LPP: variants seen among roughly 807,000 people sequenced by gnomAD.
LPP encodes lipoma-preferred partner.
Under a neutral mutation model 60.4 loss-of-function variants are expected in LPP, and 38 were observed. That is an observed-to-expected ratio of 0.63 (90% CI 0.49 to 0.83). LPP has a LOEUF of 0.83. Ranked by LOEUF, LPP falls within the 40% of genes least tolerant of loss-of-function variation. The pLI is 0.00. For synonymous variants in LPP, 328 were observed against 290.8 expected (o/e 1.13, Z -1.30); for missense variants, 902 against 783.6 (o/e 1.15, Z -1.80).
intron 8 of LPP, among the ~76,000 whole-genome samples, chr3:188,736,782 C>A (rs949603765): frequency 5.3e-5 from 8 of 151,536 alleles, no homozygotes; most frequent in African/African-American, 1.9e-4. Context: ...AAATATATAT[C>A]TATATTATCC....
intron 1 of LPP, among the ~76,000 whole-genome samples, chr3:188,191,851 T>C (rs760625078): frequency 6.6e-6 from 1 of 152,184 alleles, no homozygotes; most frequent in Non-Finnish European, 1.5e-5. Flanking sequence ...TTGATTTTAG[T>C]AGGCAAGTTA....
At chr3:188,576,791 C>T (rs1232663277) in intron 6 of LPP, among the ~76,000 whole-genome samples, 1 of 152,190 alleles carries the variant, frequency 6.6e-6, no homozygotes, top group Non-Finnish European at 1.5e-5. Context: ...ACTTCCGTGA[C>T]TATCTCCATC....
intron 7 of LPP, among the ~76,000 whole-genome samples, chr3:188,695,857 A>G (rs911374026): frequency 6.6e-6 from 1 of 152,206 alleles, no homozygotes; most frequent in Non-Finnish European, 1.5e-5. Flanking sequence ...ACGATAGACC[A>G]TGTAAGTTTC....
chr3:188,324,210 T>G (rs1168046501), intron 2 of LPP, among the ~76,000 whole-genome samples: 1 of 152,212 alleles, frequency 6.6e-6, no homozygotes. Context: ...TAGAGGCAAT[T>G]CCACCAGCAC....
chr3:188,616,094 C>T (rs1180082628), intron 7 of LPP, among the ~76,000 whole-genome samples: 1 of 152,124 alleles, frequency 6.6e-6, no homozygotes, highest in Non-Finnish European at 1.5e-5. Context: ...AGTTACATCC[C>T]ATTTGTCAAT....
intron 3 of LPP, among the ~76,000 whole-genome samples, chr3:188,381,331 T>C (rs1776825374): frequency 6.6e-6 from 1 of 152,238 alleles, no homozygotes; most frequent in African/African-American, 2.4e-5. Context: ...TTTCCTCTTC[T>C]GCTCTCCTTT....
At chr3:188,441,478 T>G (rs1387140243) in intron 4 of LPP, among the ~76,000 whole-genome samples, 1 of 152,002 alleles carries the variant, frequency 6.6e-6, no homozygotes, top group Non-Finnish European at 1.5e-5. Context: ...TCGTAGTTTC[T>G]TCACAGTTGC....
intron 2 of LPP, among the ~76,000 whole-genome samples, chr3:188,251,489 T>A (rs898161146): frequency 1.3e-5 from 2 of 152,146 alleles, no homozygotes; most frequent in African/African-American, 4.8e-5. Flanking sequence ...TTTCAATGAC[T>A]GGAGCTAGGA....
intron 2 of LPP, among the ~76,000 whole-genome samples, chr3:188,227,503 C>T (rs1351315): frequency 1.3e-5 from 2 of 151,610 alleles, no homozygotes; most frequent in Non-Finnish European, 2.9e-5. Context: ...GAGTGGCTTC[C>T]GAAATGCTGA....
At chr3:188,792,960 A>C (rs1577587286) in intron 9 of LPP, among the ~76,000 whole-genome samples, 1 of 152,078 alleles carries the variant, frequency 6.6e-6, no homozygotes, top group African/African-American at 2.4e-5. Flanking sequence ...AGAATCTTGA[A>C]GCTTCCGCAG....
chr3:188,777,570 T>C (rs1738232150), intron 9 of LPP, among the ~76,000 whole-genome samples: 2 of 152,158 alleles, frequency 1.3e-5, no homozygotes, highest in Admixed American at 1.3e-4. Flanking sequence ...AGCAAAAGAT[T>C]GAGGAGCTAA....
At chr3:188,206,012 T>C (rs147743325) in intron 1 of LPP, among the ~76,000 whole-genome samples, 5 of 152,300 alleles carry the variant, frequency 3.3e-5, no homozygotes, top group African/African-American at 1.2e-4. Context: ...TTCCTTTTGC[T>C]AACACTGAGA....
intron 6 of LPP, among the ~76,000 whole-genome samples, chr3:188,559,242 A>G (rs532792353): frequency 3.9e-5 from 6 of 152,218 alleles, no homozygotes; most frequent in African/African-American, 1.4e-4. Context: ...TAACTGGCTC[A>G]CCATCGTGAC....
At chr3:188,599,792 T>TGTG (rs1840756920) in intron 6 of LPP, among the ~76,000 whole-genome samples, 3 of 76,790 alleles carry the variant, frequency 3.9e-5, no homozygotes, top group Non-Finnish European at 8.4e-5. Context: ...GTGTGTGTGG[T>TGTG]GTGTGCTTTA....
intron 6 of LPP, among the ~76,000 whole-genome samples, chr3:188,586,102 A>G (rs561590898): frequency 7.9e-5 from 12 of 152,188 alleles, no homozygotes; most frequent in Non-Finnish European, 1.5e-4. Context: ...TTCCATTTTT[A>G]TAGCAAAATC....
intron 9 of LPP, among the ~76,000 whole-genome samples, chr3:188,790,056 A>G (rs969366499): frequency 6.6e-6 from 1 of 152,160 alleles, no homozygotes; most frequent in Non-Finnish European, 1.5e-5. Flanking sequence ...ACTCGATTTC[A>G]GACAGTAGGC....
intron 2 of LPP, among the ~76,000 whole-genome samples, chr3:188,275,750 AC>A (rs1739430664): frequency 6.6e-6 from 1 of 151,788 alleles, no homozygotes; most frequent in South Asian, 2.1e-4. Flanking sequence ...ATCTCGGCTC[AC>A]TGCAACCTCC....
In LPP at chr3:188,156,317, T is replaced by C. The variant is rs550894935; in HGVS notation, c.-190+2065T>C. Among the ~76,000 whole-genome samples, 4 of 152,258 alleles carry C rather than the reference T, an allele frequency of 2.6e-5. No individual in the cohort carries two copies. In the South Asian group the frequency reaches 8.3e-4, roughly 32 times the overall value. On this transcript the variant is annotated intron_variant, in intron 1 of 11. Transcript: ENST00000617246. ...GGCTGGGACTTGAGTAGGATCTTTC[T>C]TAGAGTGACACATTCTGGTGAAGAC...
intron 7 of LPP, among the ~76,000 whole-genome samples, chr3:188,627,502 C>T (rs1847058375): frequency 6.6e-6 from 1 of 152,036 alleles, no homozygotes; most frequent in Admixed American, 6.6e-5. Flanking sequence ...TATTCTATTT[C>T]AGAAAAAACA....
Sources: gnomAD v4.1 joint callset for allele counts (sites outside exome capture counted in the v4.1 genomes callset) on GRCh38, gnomAD v4.1.1 for gene constraint, MANE v1.5 for transcripts, NCBI Gene and HGNC (gene_info 2026-07-23, HGNC 2026-07-21) for gene names.